Variants in DDX49 observed in about 807,000 individuals in gnomAD.
The protein encoded by DDX49 is probable ATP-dependent RNA helicase DDX49.
A neutral mutation model predicts 56.3 loss-of-function variants in DDX49; 50 were observed. That is an observed-to-expected ratio of 0.89 (90% CI 0.71 to 1.12). The LOEUF is 1.12. Among genes scored for constraint, DDX49 ranks in the 50% most tolerant of loss-of-function variants. DDX49 has a pLI of 0.00. For missense variants in DDX49, 614 were observed against 650.5 expected, an observed-to-expected ratio of 0.94 and a Z score of 0.61; for synonymous variants, 269 against 270.6, an observed-to-expected ratio of 0.99 and a Z score of 0.06.
chr19:18,920,266 C>G (rs1421806566), intron 1 of DDX49, among the ~76,000 whole-genome samples: 1 of 152,162 alleles, frequency 6.6e-6, no homozygotes, highest in Non-Finnish European at 1.5e-5. Flanking sequence ...CTCCTCTAGC[C>G]CAACCCAGTT....
chr19:18,924,850 C>T (rs1225001073), intron 8 of DDX49, 32 bp from the exon 9 acceptor site: 1 of 1,612,270 alleles, frequency 6.2e-7, no homozygotes, highest in Admixed American at 1.7e-5. Flanking sequence ...CCCACATGGA[C>T]AGTGGAGCTG....
rs750603622 is a variant in DDX49 at position 18,920,687 on chromosome 19, G to A, written c.223G>A (p.Val75Ile). The A allele has an allele frequency of 9.4e-6, 15 of 1,604,260 alleles. No homozygotes were observed. Among genetic ancestry groups the A allele is most frequent in the African/African-American group, 4.0e-5 (3 of 74,780 alleles). ...GGATCCCTATGGCATCTTCTGCCTC[G>A]TCCTGACACCCACCAGGTAAGCCCC... The part of the protein sequence containing the change: ...SEDPYGIFCL[V>I]LTPTRELAYQ... Residue 75 changes from valine to isoleucine, a missense_variant, in exon 2 of 13, where the codon GTC becomes ATC. By Grantham distance (29) the Val-to-Ile change is conservative. Transcript: ENST00000247003.
chr19:18,922,584 G>T lies in DDX49; in HGVS notation c.636-20G>T, dbSNP rs780001523. 24 of 1,605,144 alleles carry T rather than the reference G, an allele frequency of 1.5e-5. No individual in the cohort carries two copies. Among genetic ancestry groups the T allele is most frequent in the Admixed American group, 6.7e-5 (4 of 59,872 alleles). ...CAGACAGGGACACTGAGGCGTGGCG[G>T]TCTATCTGTCCATCCCCAGGGTGAG... is the stretch of plus-strand genomic sequence containing the variant. On this transcript the variant is annotated intron_variant, in intron 5 of 12. Transcript: ENST00000247003.
Position 18,921,901 on chromosome 19 carries a change from G to C in DDX49, c.384G>C (p.Pro128=). ...SRKPHVVIAT[P]GRLADHLRSS... The stretch of plus-strand genomic sequence containing the variant: ...AACCACACGTGGTCATCGCCACGCC[G>C]GGGCGCCTGGCAGATCACCTGCGCA... The change falls in exon 4 of 13, where the codon CCG becomes CCC. Residue 128 remains proline (P), a synonymous_variant. Transcript: ENST00000247003. 1.2e-6 allele frequency: 2 copies of C among 1,613,790 alleles called. No homozygotes were observed. The highest frequency in any genetic ancestry group is 2.7e-5 in the African/African-American group (2 of 75,032).
rs373071878 is a variant in DDX49 at position 18,928,101 on chromosome 19, G to A, written c.1264-27G>A. On this transcript the variant is annotated intron_variant, in intron 12 of 12. Coordinates refer to ENST00000247003, the MANE Select transcript of DDX49 (RefSeq NM_019070.5). ...TTCCCTGGCGGGGGCCGCCAGCTCA[G>A]CCATCCCCTGGTCCTCCCTGTGCCA... 10 of 1,612,012 alleles carry A rather than the reference G, an allele frequency of 6.2e-6. No homozygotes were observed. The Middle Eastern group carries it at 5.0e-4, about 80-fold the overall frequency.
chr19:18,925,523 C>G (rs973715627), intron 9 of DDX49, among the ~76,000 whole-genome samples: 3 of 152,078 alleles, frequency 2.0e-5, no homozygotes, highest in Admixed American at 6.5e-5. Flanking sequence ...CAATTGCACT[C>G]CAGCCTGAGC....
chr19:18,926,208 C>T lies in DDX49; in HGVS notation c.1028-95C>T, dbSNP rs573240088. 1.4e-5 allele frequency: 18 copies of T among 1,321,752 alleles called. No individual in the cohort carries two copies. The East Asian group carries it at 4.0e-4, about 30-fold the overall frequency. The allele number at this position is 1,321,752 out of a possible 1,614,324, so 81.9% of individuals were successfully genotyped here. A position where few individuals can be genotyped will look rare whatever the true frequency, so the allele number is the denominator to read the frequency against. On this transcript the variant is annotated intron_variant, in intron 9 of 12. Transcript: ENST00000247003. ...AGCCCAAGCCCTTGTTCAGCATCTC[C>T]AGGACCCCTGAGCTGTGTAGCTGTC... is the stretch of plus-strand genomic sequence containing the variant.
Position 18,928,259 on chromosome 19 carries a change from A to T in DDX49, c.1395A>T (p.Pro465=). ...GCAGGGCTGGCCACAAGGGGCGTCC[A>T]CCCAGGACACCGTCTGGGTCCCACT... is the stretch of plus-strand genomic sequence containing the variant. ...KAGRAGHKGR[P]PRTPSGSHSG... Residue 465 remains proline, a synonymous_variant, in exon 13 of 13, where the codon CCA becomes CCT. Coordinates refer to ENST00000247003, the MANE Select transcript of DDX49 (RefSeq NM_019070.5). 6.3e-7 allele frequency: 1 copy of T among 1,586,492 alleles called. No individual in the cohort carries two copies. The highest frequency in any genetic ancestry group is 8.6e-7 in the Non-Finnish European group (1 of 1,166,752).
At position 18,924,629 on chromosome 19, in the gene DDX49, C is replaced by T. The variant is rs763501011; in HGVS notation, c.859C>T (p.Arg287Cys). 1.5e-5 allele frequency: 24 copies of T among 1,614,100 alleles called. No homozygotes were observed. Among genetic ancestry groups the T allele is most frequent in the Admixed American group, 3.3e-5 (2 of 60,002 alleles). ...ALHSMMKQKERFAALAKFKSS... is the reference protein window; with the variant it reads ...ALHSMMKQKECFAALAKFKSS... ...TCTTCCCAACCCTGTGCAGAAAGAACGCTTTGCCGCCCTAGCCAAGTTCAA... is the reference window on the plus strand; with the variant it reads ...TCTTCCCAACCCTGTGCAGAAAGAATGCTTTGCCGCCCTAGCCAAGTTCAA... Residue 287 changes from arginine to cysteine, a missense_variant, in exon 8 of 13, where the codon CGC (arginine) becomes TGC (cysteine). By Grantham distance (180) the Arg-to-Cys change is radical. Transcript: ENST00000247003.
At chr19:18,924,479 C>A in intron 7 of DDX49, 144 bp from the exon 8 acceptor site, 1 of 1,082,066 alleles carries the variant, frequency 9.2e-7, no homozygotes, top group Non-Finnish European at 1.4e-6. Flanking sequence ...TTTTAGCCGT[C>A]ATTCATTTGT....
rs1451884770 is a variant in DDX49 at position 18,928,283 on chromosome 19, C to T, written c.1419C>T (p.His473=). The T allele has an allele frequency of 6.3e-7, 1 of 1,578,078 alleles. No individual in the cohort carries two copies. The highest frequency in any genetic ancestry group is 8.6e-7 in the Non-Finnish European group (1 of 1,162,300). ...CACCCAGGACACCGTCTGGGTCCCA[C>T]TCAGGCCCAGTCCCCTCCCAGGGCC... ...GRPPRTPSGS[H]SGPVPSQGLV is the part of the protein sequence containing the mutation. Residue 473 remains histidine (H), a synonymous_variant, in exon 13 of 13, where the codon CAC becomes CAT. Transcript: ENST00000247003.
intron 2 of DDX49, 108 bp from the exon 3 acceptor site, chr19:18,921,555 C>A: frequency 1.9e-6 from 2 of 1,063,556 alleles, no homozygotes; most frequent in South Asian, 1.3e-5. Context: ...CAGGACTGGG[C>A]AAGTCAGGAG....
intron 2 of DDX49, 194 bp downstream of exon 2, chr19:18,920,897 T>G: frequency 2.3e-6 from 1 of 435,180 alleles, no homozygotes; most frequent in Non-Finnish European, 4.0e-6. Context: ...TCCCAGCACT[T>G]TGGGAGCTCC....
In DDX49 at chr19:18,920,701, C is replaced by G. The variant is rs756467120; in HGVS notation, c.237C>G (p.Thr79=). ...TCTTCTGCCTCGTCCTGACACCCAC[C>G]AGGTAAGCCCCCAGCAGGCCTCCTG... ...YGIFCLVLTP[T]RELAYQIAEQ... is the part of the protein sequence containing the mutation. The change falls in exon 2 of 13, where the codon ACC becomes ACG. Residue 79 remains threonine (T), a splice_region_variant and synonymous_variant. Coordinates refer to ENST00000247003, the MANE Select transcript of DDX49 (RefSeq NM_019070.5). The G allele has an allele frequency of 1.3e-6, 2 of 1,594,902 alleles. No homozygotes were observed. Among genetic ancestry groups the G allele is most frequent in the East Asian group, 4.5e-5 (2 of 44,232 alleles).
chr19:18,919,982 C>T (rs895843343), intron 1 of DDX49, 126 bp downstream of exon 1: 1 of 665,276 alleles, frequency 1.5e-6, no homozygotes, highest in East Asian at 2.9e-5. Flanking sequence ...ACAGGAGATC[C>T]GGGGTTCCGG....
rs999087844 is a variant in DDX49, at chr19:18,919,747, A to G, written c.6A>G (p.Ala2=). 2 of 1,609,750 alleles carry G rather than the reference A, an allele frequency of 1.2e-6. No individual in the cohort carries two copies. The highest frequency in any genetic ancestry group is 1.3e-5 in the African/African-American group (1 of 75,016). The change falls in exon 1 of 13, where the codon GCA becomes GCG. Residue 2 remains alanine, a synonymous_variant. Transcript: ENST00000247003. ...CCCTACAAGCGGCCACAAGGATGGC[A>G]GGCTTCGCGGAGCTCGGGCTGTCAT... M[A]GFAELGLSSW... is the part of the protein sequence containing the mutation.
Position 18,924,994 on chromosome 19 carries a change from G to A in DDX49, c.1027+15G>A, listed in dbSNP as rs1439991231. 6.2e-7 allele frequency: 1 copy of A among 1,606,978 alleles called. No homozygotes were observed. The highest frequency in any genetic ancestry group is 8.5e-7 in the Non-Finnish European group (1 of 1,179,066). The stretch of plus-strand genomic sequence containing the variant: ...GGCCCGTGCAGGTGAGCAGTGGAGG[G>A]GGAGGCCGAGCCTTGGGCCTCTGTC... On this transcript the variant is annotated intron_variant, in intron 9 of 12. Coordinates refer to ENST00000247003, the MANE Select transcript of DDX49 (RefSeq NM_019070.5).
Position 18,928,212 on chromosome 19 carries a change from A to T in DDX49, c.1348A>T (p.Thr450Ser), listed in dbSNP as rs151138959. ...NRRFKEKVEE[T>S]LKRQKAGRAG... ...GCGCTTCAAGGAGAAGGTGGAGGAG[A>T]CGCTGAAGCGACAGAAGGCTGGCAG... Residue 450 changes from threonine (T) to serine (S), a missense_variant, in exon 13 of 13, where the codon ACG (threonine) becomes TCG (serine). By Grantham distance (58) the Thr-to-Ser change is moderately conservative. Coordinates refer to ENST00000247003, the MANE Select transcript of DDX49 (RefSeq NM_019070.5). The T allele has an allele frequency of 1.1e-5, 17 of 1,586,106 alleles. No individual in the cohort carries two copies. In the African/African-American group the frequency reaches 2.0e-4, roughly 19 times the overall value.
chr19:18,919,894 C>T, intron 1 of DDX49, 38 bp downstream of exon 1: 2 of 1,450,494 alleles, frequency 1.4e-6, no homozygotes, highest in South Asian at 1.2e-5. Context: ...GAGGCCTCTC[C>T]GCTCCTCTCG....
Sources: gnomAD v4.1 joint callset for allele counts (sites outside exome capture counted in the v4.1 genomes callset) on GRCh38, gnomAD v4.1.1 for gene constraint, MANE v1.5 for transcripts, NCBI Gene and HGNC (gene_info 2026-07-23, HGNC 2026-07-21) for gene names.